The following DACH2 variants were observed in gnomAD, a reference collection of about 807,000 sequenced individuals.
DACH2 encodes the protein dachshund family transcription factor 2, also known as dachshund homolog 2.
In DACH2, 17 loss-of-function variants were observed where a neutral mutation model predicts 35.8. That is an observed-to-expected ratio of 0.48 (90% CI 0.33 to 0.71). The LOEUF is 0.71. Among genes scored for constraint, DACH2 ranks in the 30% least tolerant of loss-of-function variants. DACH2 has a pLI of 0.02. For synonymous variants in DACH2, 195 were observed against 177.3 expected (o/e 1.10, Z -0.79); for missense variants, 469 against 472.7 (o/e 0.99, Z 0.07).
chrX:86,510,269 T>A (rs2038378642), intron 2 of DACH2, among the ~76,000 whole-genome samples: 1 of 112,082 alleles, frequency 8.9e-6, no homozygotes. Flanking sequence ...AATTTAGTAA[T>A]CTTAATGAAT....
intron 3 of DACH2, among the ~76,000 whole-genome samples, chrX:86,566,741 T>TCA (rs397974314): frequency 2.7e-5 from 3 of 111,251 alleles, no homozygotes; most frequent in Non-Finnish European, 5.7e-5. Context: ...ATCATCATCA[T>TCA]TATAATGACC....
At chrX:86,703,797 A>G (rs1235862907) in intron 5 of DACH2, among the ~76,000 whole-genome samples, 1 of 112,027 alleles carries the variant, frequency 8.9e-6, no homozygotes, top group Admixed American at 9.5e-5. Context: ...AACACTCCTG[A>G]AAGAAATAAT....
At chrX:86,319,986 T>C (rs984454567) in intron 1 of DACH2, among the ~76,000 whole-genome samples, 2 of 111,529 alleles carry the variant, frequency 1.8e-5, no homozygotes, top group African/African-American at 6.5e-5. Context: ...CAGGGCCTAA[T>C]AACCAAGCAT....
intron 7 of DACH2, among the ~76,000 whole-genome samples, chrX:86,773,808 A>G (rs1206246537): frequency 3.6e-5 from 4 of 111,969 alleles, no homozygotes; most frequent in Non-Finnish European, 7.5e-5. Flanking sequence ...TTTTTGCATC[A>G]GCTTTTGTCA....
At chrX:86,305,029 T>A in intron 1 of DACH2, 1 of 152,779 alleles carries the variant, frequency 6.5e-6, no homozygotes, top group Non-Finnish European at 1.5e-5. Flanking sequence ...AGCTGAGCTT[T>A]GACAAGCACT....
At chrX:86,661,159 C>A (rs2040600835) in intron 4 of DACH2, among the ~76,000 whole-genome samples, 1 of 111,939 alleles carries the variant, frequency 8.9e-6, no homozygotes, top group African/African-American at 3.2e-5. Context: ...AGGTAAAATT[C>A]ACATACCATA....
At position 86,812,998 on chromosome X, in the gene DACH2, C is replaced by T; in HGVS notation, c.1383C>T (p.Asn461=). 2.5e-6 allele frequency: 3 copies of T among 1,191,346 alleles called. No individual in the cohort carries two copies. The highest frequency in any genetic ancestry group is 1.1e-6 in the Non-Finnish European group (1 of 884,049). ...CCTCCGTGGAGACTCTGTTGACCAA[C>T]ATTCAGGTCAACAATATTTCTATAA... ...SLSSVETLLT[N]IQGLLKVALD... The change falls in exon 8 of 12, where the codon AAC becomes AAT. Residue 461 remains asparagine (N), a synonymous_variant. Coordinates refer to ENST00000373125, the MANE Select transcript of DACH2 (RefSeq NM_053281.3).
In DACH2 at chrX:86,457,603, A is replaced by C. The variant is rs778939052; in HGVS notation, c.528-56676A>C. On this transcript the variant is annotated intron_variant, in intron 2 of 11. Transcript: ENST00000373125. ...AGGTCCGAGGAATGCAATAATGAATAAAGCAAAACTACACATTATAGTTGG... is the reference window on the plus strand; with the variant it reads ...AGGTCCGAGGAATGCAATAATGAATCAAGCAAAACTACACATTATAGTTGG... Among the ~76,000 whole-genome samples the C allele has an allele frequency of 1.6e-4, 18 of 112,783 alleles. No individual in the cohort carries two copies. The South Asian group carries it at 6.5e-3, about 41-fold the overall frequency.
intron 1 of DACH2, among the ~76,000 whole-genome samples, chrX:86,364,710 C>T (rs1347265901): frequency 9.0e-6 from 1 of 111,524 alleles, no homozygotes; most frequent in East Asian, 2.8e-4. Context: ...TTCTTCTATT[C>T]TCGCATTTTT....
At chrX:86,286,113 C>CG (rs1270954443) in intron 1 of DACH2, among the ~76,000 whole-genome samples, 9 of 67,391 alleles carry the variant, frequency 1.3e-4, no homozygotes, top group African/African-American at 4.7e-4. Context: ...TTCAGCCAGT[C>CG]TGTTTTTTTT....
At chrX:86,473,578 AT>A (rs929940261) in intron 2 of DACH2, among the ~76,000 whole-genome samples, 3 of 109,583 alleles carry the variant, frequency 2.7e-5, no homozygotes, top group African/African-American at 1.0e-4. Context: ...CATGAGTTCA[AT>A]TTTTTTTTAT....
At chrX:86,477,907 A>G (rs1404103750) in intron 2 of DACH2, among the ~76,000 whole-genome samples, 1 of 111,161 alleles carries the variant, frequency 9.0e-6, no homozygotes, top group Non-Finnish European at 1.9e-5. Flanking sequence ...TAAGCTGATA[A>G]CAACTTAATA....
intron 7 of DACH2, among the ~76,000 whole-genome samples, chrX:86,774,810 A>G (rs2042016223): frequency 8.9e-6 from 1 of 112,186 alleles, no homozygotes; most frequent in East Asian, 2.8e-4. Flanking sequence ...GTTTGTATAC[A>G]CACGAATGAC....
chrX:86,643,276 G>A (rs2040370712), intron 3 of DACH2, among the ~76,000 whole-genome samples: 1 of 107,230 alleles, frequency 9.3e-6, no homozygotes, highest in Non-Finnish European at 1.9e-5. Context: ...AAATGAGGAA[G>A]GGAATGATAC....
chrX:86,384,695 CAA>C (rs2036096995), intron 2 of DACH2, among the ~76,000 whole-genome samples: 1 of 111,423 alleles, frequency 9.0e-6, no homozygotes, highest in Non-Finnish European at 1.9e-5. Context: ...AATGAATCAG[CAA>C]TAAAATGTGA....
intron 3 of DACH2, among the ~76,000 whole-genome samples, chrX:86,540,115 T>C (rs1298780702): frequency 1.8e-5 from 2 of 112,177 alleles, no homozygotes; most frequent in African/African-American, 3.2e-5. Flanking sequence ...TAAGCATCTA[T>C]GTTTGAATGT....
At chrX:86,445,566 C>CAAA (rs34980646) in intron 2 of DACH2, among the ~76,000 whole-genome samples, 3,509 of 48,012 alleles carry the variant, frequency 0.073, 494 homozygotes, top group African/African-American at 0.29. Context: ...TCAGAGTGAA[C>CAAA]AAAAAAAAAA....
At position 86,421,001 on chromosome X, in the gene DACH2, A is replaced by T. The variant is rs191950826; in HGVS notation, c.527+44139A>T. On this transcript the variant is annotated intron_variant, in intron 2 of 11. Coordinates refer to ENST00000373125, the MANE Select transcript of DACH2 (RefSeq NM_053281.3). ...ATTATGAAAGAGTTTTCAGGAACTG[A>T]TGGTAGAAGGCTAATTTTCATCCAC... Among the ~76,000 whole-genome samples, 294 of 111,407 alleles carry T rather than the reference A, an allele frequency of 2.6e-3. 2 individuals are homozygous for T. The highest frequency in any genetic ancestry group is 8.6e-3 in the African/African-American group (265 of 30,814).
chrX:86,627,486 A>C, intron 3 of DACH2, among the ~76,000 whole-genome samples: 1 of 111,677 alleles, frequency 9.0e-6, no homozygotes, highest in East Asian at 2.8e-4. Context: ...TGATATTTGT[A>C]TCTCAAAACA....
Sources: gnomAD v4.1 joint callset for allele counts (sites outside exome capture counted in the v4.1 genomes callset) on GRCh38, gnomAD v4.1.1 for gene constraint, MANE v1.5 for transcripts, NCBI Gene and HGNC (gene_info 2026-07-23, HGNC 2026-07-21) for gene names.